FAM163A: variants seen among roughly 807,000 people sequenced by gnomAD.
The protein encoded by FAM163A is family with sequence similarity 163 member A.
Under a neutral mutation model 12.0 loss-of-function variants are expected in FAM163A, and 7 were observed. The ratio of observed to expected loss-of-function variants is 0.58; its 90% confidence interval spans 0.33 to 1.10. The LOEUF is 1.10. FAM163A is among the 50% of genes least tolerant of loss of function. The probability of loss-of-function intolerance (pLI) is 0.03; values close to 1 mark genes in which losing one functional copy is unlikely to be tolerated. For missense variants in FAM163A, 202 were observed against 218.6 expected (o/e 0.92, Z 0.48); for synonymous variants, 101 against 91.0 (o/e 1.11, Z -0.62).
At chr1:179,795,365 G>C (rs76595400) in intron 1 of FAM163A, among the ~76,000 whole-genome samples, 2,794 of 152,330 alleles carry the variant, frequency 0.018, 52 homozygotes, top group African/African-American at 0.046. Flanking sequence ...TTTAATTGCC[G>C]TTGTAACGGT....
intron 1 of FAM163A, among the ~76,000 whole-genome samples, chr1:179,759,629 G>T (rs191086768): frequency 2.3e-3 from 354 of 152,226 alleles, no homozygotes; most frequent in Admixed American, 3.5e-3. Context: ...AAAGGGAAGG[G>T]AGGTGCAAGG....
At chr1:179,766,326 C>A (rs1484016929) in intron 1 of FAM163A, among the ~76,000 whole-genome samples, 2 of 152,214 alleles carry the variant, frequency 1.3e-5, no homozygotes, top group East Asian at 3.9e-4. Flanking sequence ...ATGAGACCCC[C>A]CATTCCAGAG....
chr1:179,774,731 G>T (rs1037657388), intron 1 of FAM163A, among the ~76,000 whole-genome samples: 2 of 152,156 alleles, frequency 1.3e-5, no homozygotes, highest in Admixed American at 1.3e-4. Context: ...TTCAGTCCAG[G>T]CAGAAGTCAC....
the FAM163A span, among the ~76,000 whole-genome samples, chr1:179,733,236 AAGAT>A: frequency 1.2e-5 from 1 of 85,598 alleles, no homozygotes; most frequent in East Asian, 1.3e-3. Context: ...AAGGCTTAGA[AAGAT>A]TAACTTCCCT....
chr1:179,800,956 C>T (rs1348179462), intron 1 of FAM163A, among the ~76,000 whole-genome samples: 1 of 152,196 alleles, frequency 6.6e-6, no homozygotes, highest in African/African-American at 2.4e-5. Flanking sequence ...GCAGGATCTA[C>T]ATAGGACTTG....
intron 1 of FAM163A, among the ~76,000 whole-genome samples, chr1:179,784,348 T>G (rs1690294079): frequency 6.6e-6 from 1 of 152,236 alleles, no homozygotes; most frequent in Non-Finnish European, 1.5e-5. Flanking sequence ...TAAGTTCACA[T>G]ACCAGCTCTG....
intron 1 of FAM163A, among the ~76,000 whole-genome samples, chr1:179,791,477 G>A (rs1691494871): frequency 6.6e-6 from 1 of 152,184 alleles, no homozygotes; most frequent in Non-Finnish European, 1.5e-5. Context: ...GATGGAACCT[G>A]TACAATTAGA....
At chr1:179,811,087 G>A (rs539566289) in intron 2 of FAM163A, among the ~76,000 whole-genome samples, 30 of 152,230 alleles carry the variant, frequency 2.0e-4, no homozygotes, top group Non-Finnish European at 3.4e-4. Context: ...AGTGGATCAC[G>A]TAAGCGGAAG....
chr1:179,742,264 G>C (rs191344754), upstream of FAM163A: 1 of 152,338 alleles, frequency 6.6e-6, no homozygotes, highest in Admixed American at 6.5e-5. Context: ...GTTGGACCTA[G>C]GCTGAGGGTC....
chr1:179,741,283 A>G (rs1234587544), upstream of FAM163A, among the ~76,000 whole-genome samples: 1 of 152,252 alleles, frequency 6.6e-6, no homozygotes, highest in Non-Finnish European at 1.5e-5. Context: ...GTCTAATAAT[A>G]TTATATTTTG....
At chr1:179,789,218 G>A (rs373931457) in intron 1 of FAM163A, among the ~76,000 whole-genome samples, 7 of 152,104 alleles carry the variant, frequency 4.6e-5, no homozygotes, top group Non-Finnish European at 1.0e-4. Flanking sequence ...GTCTCACTCC[G>A]TCACCCATGC....
At chr1:179,748,258 A>G (rs926456303) in intron 1 of FAM163A, among the ~76,000 whole-genome samples, 1 of 152,154 alleles carries the variant, frequency 6.6e-6, no homozygotes, top group Non-Finnish European at 1.5e-5. Context: ...ATTTTCCCCA[A>G]ATAAATTCTG....
At chr1:179,798,585 A>G (rs1020851516) in intron 1 of FAM163A, among the ~76,000 whole-genome samples, 2 of 152,198 alleles carry the variant, frequency 1.3e-5, no homozygotes, top group African/African-American at 4.8e-5. Flanking sequence ...GATGTGATTG[A>G]GGATTCTGGA....
At chr1:179,775,575 A>G (rs1248486664) in intron 1 of FAM163A, among the ~76,000 whole-genome samples, 2 of 152,174 alleles carry the variant, frequency 1.3e-5, no homozygotes, top group Non-Finnish European at 2.9e-5. Flanking sequence ...AGCCCAGCAC[A>G]CTTATAATTG....
At chr1:179,766,753 C>CTTT (rs200988000) in intron 1 of FAM163A, among the ~76,000 whole-genome samples, 1 of 145,814 alleles carries the variant, frequency 6.9e-6, no homozygotes, top group African/African-American at 2.5e-5. Context: ...ACTTTTCTTT[C>CTTT]TTTTTTTTTT....
At chr1:179,792,026 T>C (rs1691581648) in intron 1 of FAM163A, among the ~76,000 whole-genome samples, 1 of 152,176 alleles carries the variant, frequency 6.6e-6, no homozygotes, top group Non-Finnish European at 1.5e-5. Context: ...TGAATGAACT[T>C]TGACTCATGG....
In FAM163A at chr1:179,789,508, C is replaced by T. The variant is rs551901621; in HGVS notation, c.-135-18290C>T. Among the ~76,000 whole-genome samples, 329 of 152,336 alleles carry T rather than the reference C, an allele frequency of 2.2e-3. 2 individuals are homozygous for T. Among genetic ancestry groups the T allele is most frequent in the African/African-American group, 7.6e-3 (315 of 41,588 alleles). ...GGATCAGATTCTTATTTTTCCTCCT[C>T]TTCTACCACTCTTCCTTCCCCTTCT... On this transcript the variant is annotated intron_variant, in intron 1 of 4. Coordinates refer to ENST00000341785, the MANE Select transcript of FAM163A (RefSeq NM_173509.3).
At chr1:179,806,837 T>C (rs1235291539) in intron 1 of FAM163A, among the ~76,000 whole-genome samples, 1 of 151,046 alleles carries the variant, frequency 6.6e-6, no homozygotes, top group Non-Finnish European at 1.5e-5. Context: ...GGCATAGTGG[T>C]TCAAGCCTGT....
Position 179,746,297 on chromosome 1 carries a change from T to A in FAM163A, c.-136+2874T>A, listed in dbSNP as rs114278423. On this transcript the variant is annotated intron_variant, in intron 1 of 4. Coordinates refer to ENST00000341785, the MANE Select transcript of FAM163A (RefSeq NM_173509.3). The stretch of plus-strand genomic sequence containing the variant: ...TTAAACTTGCATATGGGCACAAAGA[T>A]ATATGTACATTATAGCACTGTTCGA... 4.0e-3 allele frequency among the ~76,000 whole-genome samples: 609 copies of A among 152,330 alleles called. 7 individuals are homozygous for A. Among genetic ancestry groups the A allele is most frequent in the African/African-American group, 0.014 (588 of 41,570 alleles).
Sources: gnomAD v4.1 joint callset for allele counts (sites outside exome capture counted in the v4.1 genomes callset) on GRCh38, gnomAD v4.1.1 for gene constraint, MANE v1.5 for transcripts, NCBI Gene and HGNC (gene_info 2026-07-23, HGNC 2026-07-21) for gene names.